Variants in GRAMD2A observed in about 807,000 individuals in gnomAD.
The protein encoded by GRAMD2A is GRAM domain-containing protein 2A.
In GRAMD2A, 37 loss-of-function variants were observed where a neutral mutation model predicts 51.1. The ratio of observed to expected loss-of-function variants is 0.72; its 90% CI spans 0.56 to 0.95. The LOEUF is 0.95. Among genes scored for constraint, GRAMD2A ranks in the 40% least tolerant of loss-of-function variants. The probability of loss-of-function intolerance (pLI) is 0.00; values close to 1 mark genes in which losing one functional copy is unlikely to be tolerated. For synonymous variants in GRAMD2A, 136 were observed against 157.1 expected (o/e 0.87, Z 1.01); for missense variants, 414 against 426.9 (o/e 0.97, Z 0.27).
At chr15:72,197,650 C>A in intron 1 of GRAMD2A, 81 bp downstream of exon 1, 1 of 1,118,344 alleles carries the variant, frequency 8.9e-7, no homozygotes, top group Non-Finnish European at 1.1e-6. Context: ...GCCCCAGGAG[C>A]CGTCCTGCCC....
Position 72,170,568 on chromosome 15 carries a change from C to G in GRAMD2A, c.42-629G>C, listed in dbSNP as rs1048225898. Among the ~76,000 whole-genome samples, 1 of 152,090 alleles carries G rather than the reference C, an allele frequency of 6.6e-6. No individual in the cohort carries two copies. The highest frequency in any genetic ancestry group is 1.5e-5 in the Non-Finnish European group (1 of 68,024). ...AGAGCCAAACCATCTCAAAAATGTC[C>G]CTGAGGGAGAGCGTAGGAGGGAACA... On this transcript the variant is annotated intron_variant, in intron 1 of 11. Transcript: ENST00000309731. This position sits in a 1 kb window ranked among gnomAD's most constrained non-coding sequence, Gnocchi z 4.5.
chr15:72,176,639 G>A (rs1280744737), intron 1 of GRAMD2A: 7 of 152,328 alleles, frequency 4.6e-5, no homozygotes, highest in South Asian at 2.1e-4. Context: ...AGGAAGCTTC[G>A]TGGACATCTG....
Position 72,166,597 on chromosome 15 carries a change from G to T in GRAMD2A, c.543+35C>A. On this transcript the variant is annotated intron_variant, in intron 7 of 11. Transcript: ENST00000309731. This position sits in a 1 kb window ranked among gnomAD's most constrained non-coding sequence, Gnocchi z 4.1. ...GCAAGACCTGCATCCAGGCCTGAGC[G>T]ACTTCCCTGGCCTTCCTGCTCCCAA... 1.3e-6 allele frequency: 2 copies of T among 1,544,244 alleles called. No individual in the cohort carries two copies. Among genetic ancestry groups the T allele is most frequent in the Non-Finnish European group, 1.8e-6 (2 of 1,117,086 alleles).
intron 1 of GRAMD2A, among the ~76,000 whole-genome samples, chr15:72,187,632 C>A (rs1254853667): frequency 6.6e-6 from 1 of 152,056 alleles, no homozygotes; most frequent in Non-Finnish European, 1.5e-5. Context: ...TCCCACTCAG[C>A]CTCCAAAGTA....
At chr15:72,168,612 C>A (rs376782516) in intron 3 of GRAMD2A, 46 bp from the exon 4 acceptor site, 3 of 1,511,178 alleles carry the variant, frequency 2.0e-6, no homozygotes. Flanking sequence ...GAGATGAGAC[C>A]GCCAAAGGGG....
Position 72,161,607 on chromosome 15 carries a change from A to ATCTCGGTGGTC in GRAMD2A, c.*401_*402insGACCACCGAGA. 1 of 260,404 alleles carries ATCTCGGTGGTC rather than the reference A, an allele frequency of 3.8e-6. No homozygotes were observed. The highest frequency in any genetic ancestry group is 7.5e-6 in the Non-Finnish European group (1 of 132,726). 16.1% of individuals were successfully genotyped at this position (260,404 alleles called of 1,614,324 possible). The stretch of plus-strand genomic sequence containing the variant: ...ACCATAGGAGTGAGCTGTGTGGCAG[A>ATCTCGGTGGTC]GCCACATTCCAAATGCGAAAGCATG... On this transcript the variant is annotated 3_prime_UTR_variant, in exon 12 of 12. Transcript: ENST00000309731.
At position 72,169,423 on chromosome 15, in the gene GRAMD2A, G is replaced by A. The variant is rs117271732; in HGVS notation, c.134+424C>T. 7.2e-4 allele frequency: 364 copies of A among 503,454 alleles called. 2 individuals are homozygous for A. The East Asian group carries it at 0.017, about 24-fold the overall frequency. 31.2% of individuals were successfully genotyped at this position (503,454 alleles called of 1,614,324 possible). ...GTGAAGGTGTCAGACTCACAGCGCC[G>A]GGGCCTGGCCACAGGCCATGATGCC... On this transcript the variant is annotated intron_variant, in intron 2 of 11. Coordinates refer to ENST00000309731, the MANE Select transcript of GRAMD2A (RefSeq NM_001012642.3).
chr15:72,169,988 T>A, intron 1 of GRAMD2A, 49 bp from the exon 2 acceptor site: 1 of 1,380,536 alleles, frequency 7.2e-7, no homozygotes. Flanking sequence ...TGAGGACACC[T>A]TTCCCTAACA....
At position 72,187,491 on chromosome 15, in the gene GRAMD2A, A is replaced by C. The variant is rs1480202579; in HGVS notation, c.41+10240T>G. On this transcript the variant is annotated intron_variant, in intron 1 of 11. Transcript: ENST00000309731. ...AAAACAAAAAAGAAAACTAAAAAAA[A>C]AACAACAGTAAATTAAAGATATAAG... 2.6e-5 allele frequency among the ~76,000 whole-genome samples: 4 copies of C among 151,956 alleles called. No homozygotes were observed. The East Asian group carries it at 5.8e-4, about 22-fold the overall frequency.
chr15:72,178,099 G>A (rs916789072), intron 1 of GRAMD2A, among the ~76,000 whole-genome samples: 7 of 152,158 alleles, frequency 4.6e-5, no homozygotes, highest in African/African-American at 1.7e-4. Flanking sequence ...GAAGAATCCT[G>A]CCCCCACCCC....
At chr15:72,175,984 C>G (rs766423433) in intron 1 of GRAMD2A, 1 of 152,452 alleles carries the variant, frequency 6.6e-6, no homozygotes, top group Non-Finnish European at 1.5e-5. Context: ...GGGTCCCCCA[C>G]AGCAGGGCCC....
rs1453087584 is a variant in GRAMD2A at position 72,170,710 on chromosome 15, G to C, written c.42-771C>G. Among the ~76,000 whole-genome samples, 1 of 152,114 alleles carries C rather than the reference G, an allele frequency of 6.6e-6. No homozygotes were observed. Among genetic ancestry groups the C allele is most frequent in the Non-Finnish European group, 1.5e-5 (1 of 68,026 alleles). ...CTCCTCCAGGCTACACATCAATAAA[G>C]CCTGAGCCGTCAAGCCAGCCCCAAC... On this transcript the variant is annotated intron_variant, in intron 1 of 11. Transcript: ENST00000309731. The surrounding 1 kb of genome is among the most constrained non-coding windows in gnomAD (Gnocchi z 4.5).
rs1023200573 is a variant in GRAMD2A, at chr15:72,170,437, G to A, written c.42-498C>T. Reference sequence around the variant, plus strand: ...AGCTGATGCGCTGAAGGTGTGGGAGGTGGACGCCCATCAGCCTACAGGTGA... The same window carrying A: ...AGCTGATGCGCTGAAGGTGTGGGAGATGGACGCCCATCAGCCTACAGGTGA... On this transcript the variant is annotated intron_variant, in intron 1 of 11. Transcript: ENST00000309731. This position sits in a 1 kb window ranked among gnomAD's most constrained non-coding sequence, Gnocchi z 4.5. The A allele has an allele frequency of 2.2e-6, 1 of 455,910 alleles. No individual in the cohort carries two copies. Among genetic ancestry groups the A allele is most frequent in the Non-Finnish European group, 4.4e-6 (1 of 226,842 alleles). The allele number at this position is 455,910 out of a possible 1,614,324, so 28.2% of individuals were successfully genotyped here.
In GRAMD2A at chr15:72,166,603, C is replaced by T. The variant is rs751982804; in HGVS notation, c.543+29G>A. On this transcript the variant is annotated intron_variant, in intron 7 of 11. Coordinates refer to ENST00000309731, the MANE Select transcript of GRAMD2A (RefSeq NM_001012642.3). This position sits in a 1 kb window ranked among gnomAD's most constrained non-coding sequence, Gnocchi z 4.1. Reference sequence around the variant, plus strand: ...CCTGCATCCAGGCCTGAGCGACTTCCCTGGCCTTCCTGCTCCCAAGCTCCA... The same window carrying T: ...CCTGCATCCAGGCCTGAGCGACTTCTCTGGCCTTCCTGCTCCCAAGCTCCA... 6 of 1,579,618 alleles carry T rather than the reference C, an allele frequency of 3.8e-6. No individual in the cohort carries two copies. The East Asian group carries it at 6.7e-5, about 18-fold the overall frequency.
At chr15:72,171,043 C>A (rs1238939978) in intron 1 of GRAMD2A, among the ~76,000 whole-genome samples, 1 of 152,218 alleles carries the variant, frequency 6.6e-6, no homozygotes, top group East Asian at 1.9e-4. Context: ...GAAACTGAGA[C>A]CTGCCAAGGG....
intron 1 of GRAMD2A, among the ~76,000 whole-genome samples, chr15:72,191,570 A>G (rs186356532): frequency 6.6e-6 from 1 of 152,332 alleles, no homozygotes; most frequent in Admixed American, 6.5e-5. Context: ...TTAGACTAAT[A>G]CCATATTTCA....
chr15:72,170,438 T>G lies in GRAMD2A; in HGVS notation c.42-499A>C, dbSNP rs1596685181. The G allele has an allele frequency of 6.6e-6, 3 of 455,424 alleles. No homozygotes were observed. The highest frequency in any genetic ancestry group is 4.7e-5 in the South Asian group (3 of 64,508). The allele number at this position is 455,424 out of a possible 1,614,324, so 28.2% of individuals were successfully genotyped here. A position where few individuals can be genotyped will look rare whatever the true frequency, so the allele number is the denominator to read the frequency against. ...GCTGATGCGCTGAAGGTGTGGGAGG[T>G]GGACGCCCATCAGCCTACAGGTGAG... On this transcript the variant is annotated intron_variant, in intron 1 of 11. Coordinates refer to ENST00000309731, the MANE Select transcript of GRAMD2A (RefSeq NM_001012642.3). This position sits in a 1 kb window ranked among gnomAD's most constrained non-coding sequence, Gnocchi z 4.5.
chr15:72,184,619 G>A (rs1462601057), intron 1 of GRAMD2A, among the ~76,000 whole-genome samples: 1 of 152,216 alleles, frequency 6.6e-6, no homozygotes, highest in Non-Finnish European at 1.5e-5. Context: ...CCCCAGGCTG[G>A]GCTCGGCCGA....
At position 72,170,726 on chromosome 15, in the gene GRAMD2A, CAGCCCCAACCAAGT is replaced by C. The variant is rs1237444011; in HGVS notation, c.42-801_42-788del. 2.6e-5 allele frequency among the ~76,000 whole-genome samples: 4 copies of C among 152,160 alleles called. No individual in the cohort carries two copies. The highest frequency in any genetic ancestry group is 1.3e-4 in the Admixed American group (2 of 15,280). ...ATCAATAAAGCCTGAGCCGTCAAGC[CAGCCCCAACCAAGT>C]GGGCCCAGGGGCTGACCAAGAAAGA... On this transcript the variant is annotated intron_variant, in intron 1 of 11. Transcript: ENST00000309731. The surrounding 1 kb of genome is among the most constrained non-coding windows in gnomAD (Gnocchi z 4.5).
Sources: gnomAD v4.1 joint callset for allele counts (sites outside exome capture counted in the v4.1 genomes callset) on GRCh38, gnomAD v4.1.1 for gene constraint, Gnocchi (gnomAD v3.1) non-coding constraint, MANE v1.5 for transcripts, NCBI Gene and HGNC (gene_info 2026-07-23, HGNC 2026-07-21) for gene names.